Variants in CAMK2D observed in about 807,000 individuals in gnomAD.
CAMK2D encodes the protein calcium/calmodulin dependent protein kinase II delta.
CAMK2D carries 37 observed loss-of-function variants against 84.0 expected under a neutral mutation model. The ratio of observed to expected loss-of-function variants is 0.44; its 90% CI spans 0.34 to 0.58. The LOEUF (loss-of-function observed/expected upper bound fraction) is 0.58. CAMK2D is among the 20% of genes least tolerant of loss of function. The pLI is 0.02. For synonymous variants in CAMK2D, 202 were observed against 212.5 expected, an observed-to-expected ratio of 0.95 and a Z score of 0.43; for missense variants, 448 against 652.5, an observed-to-expected ratio of 0.69 and a Z score of 3.41.
rs2098302129 is a variant in CAMK2D at position 113,517,670 on chromosome 4, ATAATG to A, written c.602-18_602-14del. Reference sequence around the variant, plus strand: ...TAGAGAATGACACCTGGAGGAGAATATAATGTTAACACAATTTAAGTCATATAGAC... The same window carrying A: ...TAGAGAATGACACCTGGAGGAGAATATTAACACAATTTAAGTCATATAGAC... On this transcript the variant is annotated splice_polypyrimidine_tract_variant and intron_variant, in intron 8 of 20. Transcript: ENST00000511664. 1 of 1,266,190 alleles carries A rather than the reference ATAATG, an allele frequency of 7.9e-7. No individual in the cohort carries two copies. The highest frequency in any genetic ancestry group is 1.2e-6 in the Non-Finnish European group (1 of 867,406). The allele number at this position is 1,266,190 out of a possible 1,614,324, so 78.4% of individuals were successfully genotyped here.
chr4:113,471,641 C>A (rs2097547891), intron 16 of CAMK2D, among the ~76,000 whole-genome samples: 1 of 152,122 alleles, frequency 6.6e-6, no homozygotes, highest in Non-Finnish European at 1.5e-5. Flanking sequence ...TTTCTCAGAG[C>A]CATTTCTTCC....
chr4:113,616,385 C>A (rs933613607), intron 3 of CAMK2D, among the ~76,000 whole-genome samples: 13 of 151,988 alleles, frequency 8.6e-5, no homozygotes, highest in Non-Finnish European at 1.6e-4. Flanking sequence ...ACTCCTGATT[C>A]AAGATTAAAA....
At chr4:113,749,938 T>C (rs1013251759) in intron 2 of CAMK2D, among the ~76,000 whole-genome samples, 7 of 152,266 alleles carry the variant, frequency 4.6e-5, no homozygotes, top group African/African-American at 1.7e-4. Context: ...CATAAGTTTC[T>C]CTTTGAAGCA....
chr4:113,739,238 G>C (rs2099587648), intron 2 of CAMK2D, among the ~76,000 whole-genome samples: 1 of 152,126 alleles, frequency 6.6e-6, no homozygotes, highest in Non-Finnish European at 1.5e-5. Flanking sequence ...GATTAAAATG[G>C]AAACTTCTCA....
At chr4:113,747,326 A>G (rs2099606868) in intron 2 of CAMK2D, among the ~76,000 whole-genome samples, 1 of 140,384 alleles carries the variant, frequency 7.1e-6, no homozygotes, top group Non-Finnish European at 1.5e-5. Context: ...TTTTAAATTC[A>G]ATAGGAAAAG....
chr4:113,690,469 C>T (rs1048671787), intron 2 of CAMK2D, among the ~76,000 whole-genome samples: 1 of 152,138 alleles, frequency 6.6e-6, no homozygotes, highest in African/African-American at 2.4e-5. Context: ...CAGATGTGTT[C>T]CTACACTGAT....
At chr4:113,541,515 T>C (rs1590947660) in intron 6 of CAMK2D, among the ~76,000 whole-genome samples, 1 of 152,206 alleles carries the variant, frequency 6.6e-6, no homozygotes, top group South Asian at 2.1e-4. Context: ...ATCAGGCTTT[T>C]ATTTGTGCAC....
At chr4:113,494,845 C>T (rs190261248) in intron 16 of CAMK2D, among the ~76,000 whole-genome samples, 34 of 152,260 alleles carry the variant, frequency 2.2e-4, no homozygotes, top group Middle Eastern at 3.4e-3. Context: ...TCTCCTGGTG[C>T]GCCGTTTTTT....
At position 113,618,888 on chromosome 4, in the gene CAMK2D, C is replaced by A. The variant is rs116084689; in HGVS notation, c.221-9682G>T. Among the ~76,000 whole-genome samples, 964 of 152,210 alleles carry A rather than the reference C, an allele frequency of 6.3e-3. 15 individuals carry two copies. The highest frequency in any genetic ancestry group is 0.022 in the African/African-American group (899 of 41,526). On this transcript the variant is annotated intron_variant, in intron 3 of 20. Transcript: ENST00000511664. ...TATCAGGCACCTAATATATTTTTAT[C>A]TAAGCCTTCGAGAGAACAGTTAGTT...
At chr4:113,484,322 C>CTCTA (rs2097741011) in intron 16 of CAMK2D, among the ~76,000 whole-genome samples, 1 of 152,136 alleles carries the variant, frequency 6.6e-6, no homozygotes, top group Non-Finnish European at 1.5e-5. Context: ...TTTAAAATGT[C>CTCTA]TCTATCTCTC....
At chr4:113,690,312 T>C (rs1490362009) in intron 2 of CAMK2D, among the ~76,000 whole-genome samples, 1 of 152,172 alleles carries the variant, frequency 6.6e-6, no homozygotes, top group Admixed American at 6.6e-5. Flanking sequence ...CCATAACTTC[T>C]ACTACTCGGA....
intron 5 of CAMK2D, among the ~76,000 whole-genome samples, chr4:113,549,610 A>C (rs2098608706): frequency 2.0e-5 from 3 of 152,222 alleles, no homozygotes; most frequent in Admixed American, 2.0e-4. Context: ...TCTGACATAT[A>C]ATAATGCAGA....
intron 13 of CAMK2D, among the ~76,000 whole-genome samples, chr4:113,507,144 T>C (rs1298289481): frequency 4.6e-5 from 7 of 152,204 alleles, no homozygotes; most frequent in African/African-American, 1.7e-4. Context: ...TTTGCAGTTA[T>C]TTATAATATT....
At chr4:113,502,440 G>A (rs1369813583) in intron 15 of CAMK2D, among the ~76,000 whole-genome samples, 15 of 84,914 alleles carry the variant, frequency 1.8e-4, no homozygotes, top group Admixed American at 2.5e-4. Flanking sequence ...CACCAACAAG[G>A]AATTAAGAAA....
rs572282854 is a variant in CAMK2D, at chr4:113,748,304, T to A, written c.160+11016A>T. Among the ~76,000 whole-genome samples, 9 of 152,274 alleles carry A rather than the reference T, an allele frequency of 5.9e-5. No individual in the cohort carries two copies. The South Asian group carries it at 1.4e-3, about 25-fold the overall frequency. ...GAACATGGTGAATAAGCATTTTTTGTTAAATTGAAGTTAAAATTTAGAATC... is the reference window on the plus strand; with the variant it reads ...GAACATGGTGAATAAGCATTTTTTGATAAATTGAAGTTAAAATTTAGAATC... On this transcript the variant is annotated intron_variant, in intron 2 of 20. Coordinates refer to ENST00000511664, the MANE Select transcript of CAMK2D (RefSeq NM_001321571.2).
At chr4:113,658,363 A>G (rs1233761703) in intron 3 of CAMK2D, among the ~76,000 whole-genome samples, 1 of 152,018 alleles carries the variant, frequency 6.6e-6, no homozygotes, top group African/African-American at 2.4e-5. Context: ...TACTGACCTT[A>G]GGGCCCTTAT....
intron 2 of CAMK2D, chr4:113,679,496 C>A: frequency 1.1e-6 from 1 of 932,820 alleles, no homozygotes. Context: ...CTTTTTCTGT[C>A]CTGATTTTAA....
intron 2 of CAMK2D, among the ~76,000 whole-genome samples, chr4:113,737,557 A>G (rs2099584079): frequency 6.6e-6 from 1 of 152,190 alleles, no homozygotes; most frequent in South Asian, 2.1e-4. Context: ...CTGGAGATAG[A>G]TATTGGTGAA....
At chr4:113,567,647 G>C (rs2098732220) in intron 4 of CAMK2D, among the ~76,000 whole-genome samples, 1 of 152,198 alleles carries the variant, frequency 6.6e-6, no homozygotes, top group Non-Finnish European at 1.5e-5. Flanking sequence ...AAAATGACAA[G>C]CATGGAAGTT....
Sources: allele counts gnomAD v4.1 joint callset (sites outside exome capture counted in the v4.1 genomes callset), GRCh38; gene constraint gnomAD v4.1.1; transcripts MANE v1.5; gene names NCBI Gene and HGNC (gene_info 2026-07-23, HGNC 2026-07-21).